PIR: variants seen among roughly 807,000 people sequenced by gnomAD.
PIR encodes the protein pirin (iron-binding nuclear protein).
Under a neutral mutation model 24.2 loss-of-function variants are expected in PIR, and 22 were observed. The observed-to-expected ratio is 0.91, with a 90% CI of 0.65 to 1.30. The LOEUF is 1.30. Among genes scored for constraint, PIR ranks in the 50% most tolerant of loss-of-function variants. The probability of loss-of-function intolerance (pLI) is 0.00; values close to 1 mark genes in which losing one functional copy is unlikely to be tolerated. For synonymous variants in PIR, 80 were observed against 79.6 expected (o/e 1.00, Z -0.03); for missense variants, 220 against 220.3 (o/e 1.00, Z 0.01).
chrX:15,399,027 G>C (rs1465583223), intron 7 of PIR, among the ~76,000 whole-genome samples: 1 of 111,630 alleles, frequency 9.0e-6, no homozygotes. Flanking sequence ...CTACAGACTG[G>C]AGAGGCCAAA....
At chrX:15,400,749 A>ATTTATTTATTTATTTATTTATT (rs1555953079) in intron 7 of PIR, among the ~76,000 whole-genome samples, 1,156 of 104,129 alleles carry the variant, frequency 0.011, 13 homozygotes, top group East Asian at 0.021. Context: ...ATTTATTTAT[A>ATTTATTTATTTATTTATTTATT]TATTTATTTA....
intron 6 of PIR, among the ~76,000 whole-genome samples, chrX:15,417,923 T>G (rs1158489167): frequency 8.9e-6 from 1 of 111,825 alleles, no homozygotes; most frequent in Non-Finnish European, 1.9e-5. Flanking sequence ...ATTAACTTAG[T>G]CACATCTGCA....
intron 7 of PIR, among the ~76,000 whole-genome samples, chrX:15,406,807 G>C: frequency 8.9e-6 from 1 of 111,874 alleles, no homozygotes. Context: ...TTCTGCTGCT[G>C]GGTTCGCTAA....
Position 15,416,665 on chromosome X carries a change from T to C in PIR, c.566-9115A>G, listed in dbSNP as rs368944986. On this transcript the variant is annotated intron_variant, in intron 6 of 9. Transcript: ENST00000380420. ...AGTCTTGCGTCTAACCAGTAGAATA[T>C]AGCAAAACTGATGCAATGTCACTTC... Among the ~76,000 whole-genome samples the C allele has an allele frequency of 8.9e-4, 99 of 111,755 alleles. 1 individual carries two copies. Among genetic ancestry groups the C allele is most frequent in the African/African-American group, 3.1e-3 (96 of 30,783 alleles).
At chrX:15,490,713 G>A (rs1197707268) in intron 2 of PIR, among the ~76,000 whole-genome samples, 3 of 112,007 alleles carry the variant, frequency 2.7e-5, no homozygotes, top group Non-Finnish European at 5.6e-5. Context: ...CCTTGGCAAC[G>A]GCAGATTGGC....
intron 6 of PIR, among the ~76,000 whole-genome samples, chrX:15,423,112 A>T (rs1287339884): frequency 1.8e-5 from 2 of 112,132 alleles, no homozygotes; most frequent in African/African-American, 6.5e-5. Context: ...CTCTTGCCAT[A>T]AACAAAAATC....
intron 5 of PIR, among the ~76,000 whole-genome samples, chrX:15,426,322 T>C (rs1925316693): frequency 8.9e-6 from 1 of 112,152 alleles, no homozygotes; most frequent in Non-Finnish European, 1.9e-5. Context: ...CCACTTGATA[T>C]GGCAGGTTAT....
intron 8 of PIR, among the ~76,000 whole-genome samples, chrX:15,392,046 T>C (rs1923977006): frequency 9.0e-6 from 1 of 110,843 alleles, no homozygotes; most frequent in Non-Finnish European, 1.9e-5. Context: ...TCGCGAGGAA[T>C]CCCAAACTAG....
intron 2 of PIR, among the ~76,000 whole-genome samples, chrX:15,488,301 G>A (rs1165946160): frequency 3.8e-4 from 32 of 84,339 alleles, no homozygotes; most frequent in Admixed American, 5.5e-4. Flanking sequence ...AAAAAAAAAA[G>A]AAAAGAAAGA....
rs747955981 is a variant in PIR, at chrX:15,425,957, A to G, written c.514T>C (p.Leu172=). 5.8e-6 allele frequency: 7 copies of G among 1,197,060 alleles called. No homozygotes were observed. Among genetic ancestry groups the G allele is most frequent in the Non-Finnish European group, 5.7e-6 (5 of 882,165 alleles). The part of the protein sequence containing the change: ...KVYTRTPTLY[L]DFKLDPGAKH... ...GCTCCTGGGTCCAATTTGAAGTCCA[A>G]ATATAAGGTTGGTGTGCGAGTGTAA... is the stretch of plus-strand genomic sequence containing the variant. Residue 172 remains leucine, a synonymous_variant, in exon 6 of 10, where the codon TTG becomes CTG. Transcript: ENST00000380420.
intron 2 of PIR, among the ~76,000 whole-genome samples, chrX:15,480,768 A>C (rs1403606983): frequency 8.9e-6 from 1 of 112,462 alleles, no homozygotes; most frequent in African/African-American, 3.2e-5. Flanking sequence ...GTTGGGGCAA[A>C]AGATGCATAT....
intron 8 of PIR, 85 bp from the exon 9 acceptor site, chrX:15,390,336 G>C: frequency 1.9e-6 from 1 of 521,748 alleles, no homozygotes; most frequent in African/African-American, 2.4e-5. Context: ...TGACATGCTA[G>C]CCAAATAGGC....
intron 7 of PIR, among the ~76,000 whole-genome samples, chrX:15,400,179 A>T (rs1443356945): frequency 8.9e-6 from 1 of 111,881 alleles, no homozygotes; most frequent in African/African-American, 3.2e-5. Context: ...GAAACAAATG[A>T]TAGAACTCCA....
chrX:15,407,563 A>G lies in PIR; in HGVS notation c.566-13T>C. 8.6e-7 allele frequency: 1 copy of G among 1,164,846 alleles called. No individual in the cohort carries two copies. The highest frequency in any genetic ancestry group is 1.8e-5 in the African/African-American group (1 of 57,053). ...AAGCTTGTCCACCCTGGAAAGGACCAGCAACATTAACATGTTAGTGTCCAT... is the reference window on the plus strand; with the variant it reads ...AAGCTTGTCCACCCTGGAAAGGACCGGCAACATTAACATGTTAGTGTCCAT... On this transcript the variant is annotated splice_polypyrimidine_tract_variant and intron_variant, in intron 6 of 9. Coordinates refer to ENST00000380420, the MANE Select transcript of PIR (RefSeq NM_001018109.3).
chrX:15,466,006 GTTTTTTT>G (rs200803758), intron 3 of PIR, among the ~76,000 whole-genome samples: 17 of 63,098 alleles, frequency 2.7e-4, no homozygotes, highest in East Asian at 5.3e-4. Context: ...AATGGTGGCT[GTTTTTTT>G]TTTTTTTTTT....
intron 1 of PIR, among the ~76,000 whole-genome samples, chrX:15,491,917 C>G (rs181606495): frequency 1.8e-5 from 2 of 110,754 alleles, no homozygotes; most frequent in Admixed American, 9.5e-5. Flanking sequence ...TTTCTCCGAA[C>G]ATATCCCCAT....
rs986637527 is a variant in PIR at position 15,385,249 on chromosome X, C to T, written c.761-133G>A. 1.6e-5 allele frequency: 6 copies of T among 386,792 alleles called. No homozygotes were observed. The Admixed American group carries it at 1.9e-4, about 12-fold the overall frequency. The allele number at this position is 386,792 out of a possible 1,213,427, so 31.9% of individuals were successfully genotyped here. On this transcript the variant is annotated intron_variant, in intron 9 of 9. Coordinates refer to ENST00000380420, the MANE Select transcript of PIR (RefSeq NM_001018109.3). The stretch of plus-strand genomic sequence containing the variant: ...CATCCGAAGAGTAAAAGTTTATTTT[C>T]ACAGTGTTCAATCCCCAAGGACTGT...
chrX:15,452,546 T>C (rs914872834), intron 5 of PIR, among the ~76,000 whole-genome samples: 2 of 112,085 alleles, frequency 1.8e-5, no homozygotes, highest in Non-Finnish European at 3.8e-5. Flanking sequence ...CCCCCTCACC[T>C]TTTTTGTGGA....
intron 7 of PIR, among the ~76,000 whole-genome samples, chrX:15,400,743 A>ATT (rs1924350104): frequency 9.5e-6 from 1 of 105,168 alleles, no homozygotes; most frequent in Non-Finnish European, 2.0e-5. Flanking sequence ...TTATTTATTT[A>ATT]TTTATATATT....
Sources: allele counts gnomAD v4.1 joint callset (sites outside exome capture counted in the v4.1 genomes callset), GRCh38; gene constraint gnomAD v4.1.1; transcripts MANE v1.5; gene names NCBI Gene and HGNC (gene_info 2026-07-23, HGNC 2026-07-21).